The following NINJ1 variants were observed in gnomAD, a reference collection of about 807,000 sequenced individuals.
NINJ1 encodes ninjurin 1, also known as ninjurin-1.
A neutral mutation model predicts 12.7 loss-of-function variants in NINJ1; 6 were observed. That is an observed-to-expected ratio of 0.47 (90% CI 0.26 to 0.93). The LOEUF is 0.93. NINJ1 is among the 40% of genes least tolerant of loss of function. The pLI is 0.15. For synonymous variants in NINJ1, 100 were observed against 96.0 expected, an observed-to-expected ratio of 1.04 and a Z score of -0.25; for missense variants, 170 against 213.0, an observed-to-expected ratio of 0.80 and a Z score of 1.26.
intron 1 of NINJ1, chr9:93,131,431 C>G (rs1298915002): frequency 6.6e-6 from 1 of 152,272 alleles, no homozygotes; most frequent in East Asian, 1.9e-4. Context: ...TCCTCCTGGG[C>G]AGCTGAGGCC....
chr9:93,133,541 G>T (rs1827928895), intron 1 of NINJ1, among the ~76,000 whole-genome samples: 1 of 152,246 alleles, frequency 6.6e-6, no homozygotes, highest in African/African-American at 2.4e-5. Context: ...GTTCTGGAGG[G>T]CCGGTGGCGG....
intron 1 of NINJ1, among the ~76,000 whole-genome samples, chr9:93,126,942 G>A (rs537234755): frequency 3.2e-4 from 48 of 152,114 alleles, no homozygotes; most frequent in Middle Eastern, 3.4e-3. Flanking sequence ...TGCCATAGGC[G>A]GGGCTGCTCC....
chr9:93,127,918 C>T (rs1246285472), intron 1 of NINJ1, among the ~76,000 whole-genome samples: 1 of 152,258 alleles, frequency 6.6e-6, no homozygotes, highest in Non-Finnish European at 1.5e-5. Context: ...TTTCTGCAGG[C>T]TGGAAAAATA....
intron 3 of NINJ1, among the ~76,000 whole-genome samples, chr9:93,122,474 T>TG (rs3833715): frequency 0.83 from 105,720 of 127,818 alleles, 45,170 homozygotes; most frequent in East Asian, 0.89. Context: ...GCTCTGAGCC[T>TG]GGAAGGAGGG....
chr9:93,133,980 G>A (rs556954827), intron 1 of NINJ1, among the ~76,000 whole-genome samples, 163 bp downstream of exon 1: 1 of 152,184 alleles, frequency 6.6e-6, no homozygotes, highest in African/African-American at 2.4e-5. Context: ...GCTCCCGGGG[G>A]CATCGTTCTG....
At chr9:93,129,273 G>C (rs370360236) in intron 1 of NINJ1, among the ~76,000 whole-genome samples, 25 of 152,328 alleles carry the variant, frequency 1.6e-4, no homozygotes, top group African/African-American at 6.0e-4. Flanking sequence ...TGATGCCATT[G>C]TCCCTTAGGG....
At position 93,126,513 on chromosome 9, in the gene NINJ1, G is replaced by A. The variant is rs769630940; in HGVS notation, c.201C>T (p.Val67=). The A allele has an allele frequency of 1.9e-6, 3 of 1,614,204 alleles. No homozygotes were observed. The highest frequency in any genetic ancestry group is 2.2e-5 in the South Asian group (2 of 91,088). Residue 67 remains valine (V), a synonymous_variant, in exon 2 of 4, where the codon GTC becomes GTT. Coordinates refer to ENST00000375446, the MANE Select transcript of NINJ1 (RefSeq NM_004148.4). The part of the protein sequence containing the change: ...LMANASQLKA[V]VEQGPSFAFY... Reference sequence around the variant, plus strand: ...AGGCGAAGCTGGGGCCCTGTTCCACGACGGCCTTCAGCTGGGACGCGTTGG... The same window carrying A: ...AGGCGAAGCTGGGGCCCTGTTCCACAACGGCCTTCAGCTGGGACGCGTTGG...
chr9:93,126,371 G>T, intron 2 of NINJ1, 39 bp downstream of exon 2: 1 of 1,562,080 alleles, frequency 6.4e-7, no homozygotes, highest in Non-Finnish European at 8.8e-7. Flanking sequence ...TGCCAGCAAG[G>T]TGAGCAGGTG....
chr9:93,125,602 C>T (rs1827800440), intron 2 of NINJ1: 1 of 154,190 alleles, frequency 6.5e-6, no homozygotes. Flanking sequence ...CAGGCCCTGA[C>T]CCCACTCTGT....
intron 1 of NINJ1, among the ~76,000 whole-genome samples, chr9:93,132,232 C>A (rs1399434332): frequency 6.6e-6 from 1 of 152,224 alleles, no homozygotes; most frequent in Non-Finnish European, 1.5e-5. Context: ...CCTGGGCCCC[C>A]AGGCTGGGTG....
At chr9:93,131,421 T>C (rs758862433) in intron 1 of NINJ1, 4 of 152,134 alleles carry the variant, frequency 2.6e-5, no homozygotes, top group Non-Finnish European at 4.4e-5. Context: ...CGAGCAAACC[T>C]CCTCCTGGGC....
chr9:93,126,228 A>T, intron 2 of NINJ1, 182 bp downstream of exon 2: 1 of 515,108 alleles, frequency 1.9e-6, no homozygotes. Flanking sequence ...CAAAAACCAA[A>T]GTGCAGGGTG....
At chr9:93,131,395 A>T (rs1471926439) in intron 1 of NINJ1, 1 of 152,262 alleles carries the variant, frequency 6.6e-6, no homozygotes, top group African/African-American at 2.4e-5. Context: ...CTGCCAGGAA[A>T]GCGGAAATGA....
intron 1 of NINJ1, 119 bp downstream of exon 1, chr9:93,134,024 C>T (rs1313977103): frequency 7.0e-5 from 47 of 675,218 alleles, no homozygotes; most frequent in Non-Finnish European, 9.7e-5. Flanking sequence ...TGGCCTAGAG[C>T]GGGACGTCCC....
rs144530992 is a variant in NINJ1 at position 93,133,613 on chromosome 9, C to T, written c.75+530G>A. Among the ~76,000 whole-genome samples the T allele has an allele frequency of 1.8e-3, 276 of 152,356 alleles. 2 individuals are homozygous for T. Among genetic ancestry groups the T allele is most frequent in the African/African-American group, 6.3e-3 (262 of 41,590 alleles). ...AGGCAGGTGAGTGGAATAGGGACCA[C>T]AGCGGGCCCCAAGTTCCCCCATCAA... On this transcript the variant is annotated intron_variant, in intron 1 of 3. Transcript: ENST00000375446.
Position 93,126,662 on chromosome 9 carries a change from A to T in NINJ1, c.76-24T>A, listed in dbSNP as rs1347619347. On this transcript the variant is annotated intron_variant, in intron 1 of 3. Transcript: ENST00000375446. ...GGCTGCAGGGAGGGGAATGGTCAGC[A>T]AGGCGGGTGGGGGAGGGGGGCAAGG... 2.6e-6 allele frequency: 4 copies of T among 1,563,494 alleles called. No individual in the cohort carries two copies. The Admixed American group carries it at 6.9e-5, about 27-fold the overall frequency.
chr9:93,126,582 C>T lies in NINJ1; in HGVS notation c.132G>A (p.Lys44=). Residue 44 remains lysine (K), a synonymous_variant, in exon 2 of 4, where the codon AAG becomes AAA. Coordinates refer to ENST00000375446, the MANE Select transcript of NINJ1 (RefSeq NM_004148.4). ...GPINVNHYAS[K]KSAAESMLDI... ...CCAGCATGCTCTCGGCTGCGCTCTT[C>T]TTGCTGGCGTAATGGTTCACGTTGA... 1 of 1,613,804 alleles carries T rather than the reference C, an allele frequency of 6.2e-7. No individual in the cohort carries two copies. The highest frequency in any genetic ancestry group is 1.3e-5 in the African/African-American group (1 of 75,040).
At chr9:93,122,968 T>C (rs1027444180) in intron 3 of NINJ1, among the ~76,000 whole-genome samples, 1 of 152,254 alleles carries the variant, frequency 6.6e-6, no homozygotes, top group African/African-American at 2.4e-5. Context: ...CTAGGTGTTC[T>C]GGAAGAGGAC....
At position 93,124,921 on chromosome 9, in the gene NINJ1, G is replaced by A. The variant is rs781713267; in HGVS notation, c.446C>T (p.Ala149Val). The change falls in exon 3 of 4, where the codon GCA becomes GTA. Residue 149 changes from alanine (A) to valine (V), a missense_variant. Ala to Val is a moderately conservative substitution (Grantham distance 64). Transcript: ENST00000375446. ...FGVQKPLMDM[A>V]PQQ ...CACCTGGGTGTCCTACTGCTGGGGTGCCATGTCCATCAAGGGCTTCTGGAC... is the reference window on the plus strand; with the variant it reads ...CACCTGGGTGTCCTACTGCTGGGGTACCATGTCCATCAAGGGCTTCTGGAC... 5 of 1,611,290 alleles carry A rather than the reference G, an allele frequency of 3.1e-6. No individual in the cohort carries two copies. The African/African-American group carries it at 5.3e-5, about 17-fold the overall frequency.
Sources: gnomAD v4.1 joint callset for allele counts (sites outside exome capture counted in the v4.1 genomes callset) on GRCh38, gnomAD v4.1.1 for gene constraint, MANE v1.5 for transcripts, NCBI Gene and HGNC (gene_info 2026-07-23, HGNC 2026-07-21) for gene names.